COL11A1: variants seen among roughly 807,000 people sequenced by gnomAD.
The protein encoded by COL11A1 is collagen type XI alpha 1 chain.
COL11A1 carries 74 observed loss-of-function variants against 265.2 expected under a neutral mutation model. The observed-to-expected ratio is 0.28, with a 90% confidence interval of 0.23 to 0.34. The LOEUF (loss-of-function observed/expected upper bound fraction) is 0.34, where lower values mean the gene tolerates loss of function less well. Among genes scored for constraint, COL11A1 ranks in the 10% least tolerant of loss-of-function variants. The probability of loss-of-function intolerance (pLI) is 1.00; values close to 1 mark genes in which losing one functional copy is unlikely to be tolerated. For synonymous variants in COL11A1, 816 were observed against 727.6 expected, an observed-to-expected ratio of 1.12 and a Z score of -1.96; for missense variants, 2,165 against 2,263.6, an observed-to-expected ratio of 0.96 and a Z score of 0.88.
chr1:102,897,894 AT>A (rs140129829), intron 57 of COL11A1, among the ~76,000 whole-genome samples: 1 of 152,026 alleles, frequency 6.6e-6, no homozygotes, highest in African/African-American at 2.4e-5. Flanking sequence ...GAGTGGAAAT[AT>A]TTTTTCATCC....
At chr1:103,005,917 AT>A in intron 17 of COL11A1, 26 bp from the exon 18 acceptor site, 1 of 1,613,894 alleles carries the variant, frequency 6.2e-7, no homozygotes, top group Non-Finnish European at 8.5e-7. Flanking sequence ...CATCATCATC[AT>A]CATCATCATC....
Position 103,008,502 on chromosome 1 carries a change from T to G in COL11A1, c.1644A>C (p.Ser548=). 2 of 1,613,970 alleles carry G rather than the reference T, an allele frequency of 1.2e-6. No individual in the cohort carries two copies. The highest frequency in any genetic ancestry group is 1.7e-6 in the Non-Finnish European group (2 of 1,179,912). The change falls in exon 15 of 67, where the codon TCA becomes TCC. Residue 548 remains serine, a synonymous_variant. Coordinates refer to ENST00000370096, the MANE Select transcript of COL11A1 (RefSeq NM_001854.4). The stretch of plus-strand genomic sequence containing the variant: ...CACCACTCTCACCTTTGGCCCCAGA[T>G]GAACCAGGCCCCCCCTATAGAGAAA... ...GRPGPVGGPG[S]SGAKGESGDP... is the part of the protein sequence containing the mutation.
At chr1:102,976,655 A>G (rs1662526187) in intron 35 of COL11A1, among the ~76,000 whole-genome samples, 2 of 152,146 alleles carry the variant, frequency 1.3e-5, no homozygotes, top group Non-Finnish European at 2.9e-5. Context: ...TAAGAAATCC[A>G]TAATGACTCA....
chr1:102,946,711 T>C, intron 42 of COL11A1, 138 bp downstream of exon 42: 1 of 723,442 alleles, frequency 1.4e-6, no homozygotes. Context: ...ATTATACATA[T>C]ACGAGCCAGG....
intron 54 of COL11A1, among the ~76,000 whole-genome samples, chr1:102,903,373 C>T (rs1314683557): frequency 1.3e-5 from 2 of 152,014 alleles, no homozygotes; most frequent in Non-Finnish European, 2.9e-5. Context: ...GCGTAAGATT[C>T]AATCACAGAA....
chr1:103,100,589 G>C (rs1674181971), intron 1 of COL11A1: 1 of 151,916 alleles, frequency 6.6e-6, no homozygotes, highest in Non-Finnish European at 1.5e-5. Context: ...ATTTCTCCTT[G>C]AAGGCAGTCA....
chr1:103,094,495 T>C lies in COL11A1; in HGVS notation c.107-11523A>G, dbSNP rs556968613. Among the ~76,000 whole-genome samples the C allele has an allele frequency of 5.9e-5, 9 of 152,170 alleles. No individual in the cohort carries two copies. In the East Asian group the frequency reaches 9.7e-4, roughly 16 times the overall value. On this transcript the variant is annotated intron_variant, in intron 1 of 66. Transcript: ENST00000370096. ...GCAAAAAGTCAGACACCAATTACAA[T>C]GTATAGCCCTAAAGTTGCACAGGTG...
intron 4 of COL11A1, among the ~76,000 whole-genome samples, chr1:103,043,150 AC>A (rs1211589410): frequency 6.8e-6 from 1 of 146,714 alleles, no homozygotes; most frequent in African/African-American, 2.5e-5. Flanking sequence ...TATAATGAAT[AC>A]CTGAAATACA....
chr1:103,068,720 A>G (rs1671342172), intron 4 of COL11A1, among the ~76,000 whole-genome samples: 1 of 151,538 alleles, frequency 6.6e-6, no homozygotes. Flanking sequence ...GAACTAATAA[A>G]TGAATTTAAC....
chr1:103,047,721 T>G (rs2102101015), intron 4 of COL11A1, among the ~76,000 whole-genome samples: 1 of 148,902 alleles, frequency 6.7e-6, no homozygotes, highest in Middle Eastern at 3.4e-3. Context: ...GCCCATTCAG[T>G]ATGATATTGG....
chr1:103,056,065 T>C (rs182908525), intron 4 of COL11A1, among the ~76,000 whole-genome samples: 1 of 152,278 alleles, frequency 6.6e-6, no homozygotes, highest in East Asian at 1.9e-4. Context: ...TTTTGTTTTG[T>C]TTTTGTTTTT....
intron 41 of COL11A1, among the ~76,000 whole-genome samples, chr1:102,955,164 G>A (rs1441890534): frequency 6.6e-6 from 1 of 152,034 alleles, no homozygotes; most frequent in East Asian, 1.9e-4. Flanking sequence ...TGGCATGTCG[G>A]TACATGACAT....
intron 63 of COL11A1, chr1:102,884,302 G>C (rs1384877601): frequency 6.6e-6 from 1 of 152,122 alleles, no homozygotes. Flanking sequence ...TACTCTAACT[G>C]TTATAGTAGG....
Position 102,889,298 on chromosome 1 carries a change from G to A in COL11A1, c.4464+157C>T, listed in dbSNP as rs564353217. Among the ~76,000 whole-genome samples, 197 of 151,744 alleles carry A rather than the reference G, an allele frequency of 1.3e-3. 1 individual carries two copies. The highest frequency in any genetic ancestry group is 2.3e-3 in the Non-Finnish European group (159 of 67,958). On this transcript the variant is annotated intron_variant, in intron 59 of 66. Transcript: ENST00000370096. ...TTTAAAATTTATTTACTCTAGGGCT[G>A]AATAAAAATATCTTTTTAAGAACAT...
chr1:102,898,854 G>T (rs572706347), intron 55 of COL11A1, 81 bp from the exon 56 acceptor site: 1 of 1,368,602 alleles, frequency 7.3e-7, no homozygotes, highest in South Asian at 1.2e-5. Flanking sequence ...GAAAAAAGTA[G>T]ATCAGTTTAT....
chr1:102,896,528 A>T (rs1331137937), intron 57 of COL11A1, among the ~76,000 whole-genome samples: 1 of 152,174 alleles, frequency 6.6e-6, no homozygotes, highest in Non-Finnish European at 1.5e-5. Context: ...AAAACTACAC[A>T]TTATATTCAC....
Position 102,965,473 on chromosome 1 carries a change from G to T in COL11A1, c.2916+14C>A. On this transcript the variant is annotated intron_variant, in intron 38 of 66. Transcript: ENST00000370096. ...AAATAAATCTTGCTTGGGAAATAAA[G>T]CAAAGGAACATACCTGTGGTCCAAC... 6.2e-7 allele frequency: 1 copy of T among 1,612,262 alleles called. No individual in the cohort carries two copies. Among genetic ancestry groups the T allele is most frequent in the Non-Finnish European group, 8.5e-7 (1 of 1,178,482 alleles).
intron 24 of COL11A1, among the ~76,000 whole-genome samples, chr1:102,999,009 C>A (rs1262265280): frequency 6.6e-6 from 1 of 151,696 alleles, no homozygotes; most frequent in Non-Finnish European, 1.5e-5. Context: ...TGGTAAGAAT[C>A]ACTACTACAA....
At chr1:102,931,582 A>T (rs1270610333) in intron 46 of COL11A1, among the ~76,000 whole-genome samples, 1 of 152,072 alleles carries the variant, frequency 6.6e-6, no homozygotes, top group African/African-American at 2.4e-5. Flanking sequence ...GATTTGGGGT[A>T]GAGAGTTCTG....
Sources: gnomAD v4.1 joint callset for allele counts (sites outside exome capture counted in the v4.1 genomes callset) on GRCh38, gnomAD v4.1.1 for gene constraint, MANE v1.5 for transcripts, NCBI Gene and HGNC (gene_info 2026-07-23, HGNC 2026-07-21) for gene names.